ZSWIM5: variants seen among roughly 807,000 people sequenced by gnomAD.
The protein encoded by ZSWIM5 is zinc finger SWIM domain-containing protein 5.
ZSWIM5 carries 55 observed loss-of-function variants against 119.6 expected under a neutral mutation model. That is an observed-to-expected ratio of 0.46 (90% CI 0.37 to 0.58). The LOEUF (loss-of-function observed/expected upper bound fraction) is 0.58. Among genes scored for constraint, ZSWIM5 ranks in the 20% least tolerant of loss-of-function variants. ZSWIM5 has a pLI of 0.00. For synonymous variants in ZSWIM5, 537 were observed against 606.9 expected (o/e 0.88, Z 1.69); for missense variants, 1,193 against 1,512.8 (o/e 0.79, Z 3.51).
At chr1:45,192,119 ACTT>A (rs1455978175) in intron 1 of ZSWIM5, among the ~76,000 whole-genome samples, 4 of 152,164 alleles carry the variant, frequency 2.6e-5, no homozygotes, top group African/African-American at 9.6e-5. Flanking sequence ...GTGGCTTTTA[ACTT>A]TTTTATTGTG....
intron 1 of ZSWIM5, among the ~76,000 whole-genome samples, chr1:45,189,007 T>C (rs891427316): frequency 6.6e-6 from 1 of 152,222 alleles, no homozygotes; most frequent in African/African-American, 2.4e-5. Flanking sequence ...ATTACCTTGA[T>C]GCTATATTAG....
intron 1 of ZSWIM5, among the ~76,000 whole-genome samples, chr1:45,119,715 C>T (rs1174319542): frequency 2.6e-5 from 4 of 152,166 alleles, no homozygotes; most frequent in Admixed American, 1.3e-4. Flanking sequence ...ATAAGTTACC[C>T]AACAGTAGGA....
chr1:45,109,531 G>T (rs1645502287), intron 1 of ZSWIM5, among the ~76,000 whole-genome samples: 1 of 152,064 alleles, frequency 6.6e-6, no homozygotes, highest in Non-Finnish European at 1.5e-5. Context: ...AGATCACGAG[G>T]TCAGGAGTTC....
chr1:45,022,120 CTTTATTTTAT>C (rs145235699), intron 11 of ZSWIM5, among the ~76,000 whole-genome samples: 29 of 147,196 alleles, frequency 2.0e-4, no homozygotes, highest in Non-Finnish European at 2.4e-4. Flanking sequence ...TATGATTCTA[CTTTATTTTAT>C]TTTATTTTAT....
intron 2 of ZSWIM5, among the ~76,000 whole-genome samples, chr1:45,074,517 G>T (rs1328572655): frequency 6.6e-6 from 1 of 151,814 alleles, no homozygotes; most frequent in Non-Finnish European, 1.5e-5. Context: ...GCATATAGTT[G>T]TTCACAGTAG....
intron 1 of ZSWIM5, among the ~76,000 whole-genome samples, chr1:45,159,268 T>C (rs1645848938): frequency 6.6e-6 from 1 of 152,154 alleles, no homozygotes; most frequent in Non-Finnish European, 1.5e-5. Flanking sequence ...TCTGTTCCCA[T>C]ATTTATTTAT....
chr1:45,162,193 A>G (rs1033028090), intron 1 of ZSWIM5, among the ~76,000 whole-genome samples: 2 of 152,240 alleles, frequency 1.3e-5, no homozygotes, highest in African/African-American at 4.8e-5. Flanking sequence ...AGGCTAAATA[A>G]AGAATAAAGA....
intron 2 of ZSWIM5, among the ~76,000 whole-genome samples, chr1:45,080,890 T>C (rs1158150136): frequency 1.3e-5 from 2 of 152,110 alleles, no homozygotes; most frequent in African/African-American, 2.4e-5. Context: ...GTAACCCACC[T>C]AAAAAAGTCA....
At position 45,020,791 on chromosome 1, in the gene ZSWIM5, A is replaced by G. The variant is rs1349639394; in HGVS notation, c.2450-3T>C. The G allele has an allele frequency of 1.9e-6, 3 of 1,613,560 alleles. No homozygotes were observed. The highest frequency in any genetic ancestry group is 1.3e-5 in the African/African-American group (1 of 75,014). On this transcript the variant is annotated splice_polypyrimidine_tract_variant and splice_region_variant and intron_variant, in intron 11 of 13. Transcript: ENST00000359600. ...TGTTCGGAGTCTCAAAGTGTCTCCT[A>G]TAGGTGTCAAGAGAAGGGGCAGGGT...
chr1:45,019,109 G>C lies in ZSWIM5; in HGVS notation c.2903C>G (p.Ser968Ter). Residue 968 changes from serine to a stop codon, truncating the protein, a stop_gained, in exon 14 of 14, where the codon TCA (serine) becomes TGA (stop). Transcript: ENST00000359600. LOFTEE classifies it high-confidence loss of function. The surrounding 1 kb of genome is among the most constrained non-coding windows in gnomAD (Gnocchi z 5.0). ...GTCTTTCTCACAGAGTGTAAGGGCT[G>C]ACAGGGCACAGCTCTGTGGATCCTT... ...AMKDPQSCAL[S>*]ALTLCEKDHI... 1 of 1,614,176 alleles carries C rather than the reference G, an allele frequency of 6.2e-7. No individual in the cohort carries two copies. Among genetic ancestry groups the C allele is most frequent in the Non-Finnish European group, 8.5e-7 (1 of 1,180,024 alleles).
chr1:45,196,194 A>G (rs1461876312), intron 1 of ZSWIM5, among the ~76,000 whole-genome samples: 1 of 150,314 alleles, frequency 6.7e-6, no homozygotes, highest in Non-Finnish European at 1.5e-5. Context: ...TTTTTCTACA[A>G]CGGCATTTCT....
intron 1 of ZSWIM5, among the ~76,000 whole-genome samples, chr1:45,095,629 C>T (rs1265065476): frequency 6.6e-6 from 1 of 152,112 alleles, no homozygotes; most frequent in East Asian, 1.9e-4. Context: ...GTGTTGCATA[C>T]TTTCTATTGC....
chr1:45,143,244 C>T (rs970837673), intron 1 of ZSWIM5, among the ~76,000 whole-genome samples: 1 of 149,006 alleles, frequency 6.7e-6, no homozygotes, highest in Admixed American at 6.7e-5. Flanking sequence ...GACACAAAAA[C>T]TCTCAACAAA....
chr1:45,060,554 A>AT (rs1219878746), intron 2 of ZSWIM5, among the ~76,000 whole-genome samples: 2 of 152,124 alleles, frequency 1.3e-5, no homozygotes, highest in Non-Finnish European at 1.5e-5. Context: ...CAAATTGTGC[A>AT]TTTTTTTCCC....
intron 1 of ZSWIM5, among the ~76,000 whole-genome samples, chr1:45,195,015 T>C (rs1273589006): frequency 6.6e-6 from 1 of 152,204 alleles, no homozygotes; most frequent in African/African-American, 2.4e-5. Flanking sequence ...AGTCCCCACT[T>C]CCCAAGTTAA....
At chr1:45,186,637 G>T (rs192506752) in intron 1 of ZSWIM5, among the ~76,000 whole-genome samples, 1 of 151,818 alleles carries the variant, frequency 6.6e-6, no homozygotes, top group Admixed American at 6.6e-5. Context: ...ACAGTGTCTC[G>T]CTCTGTCACC....
At chr1:45,198,556 A>G (rs1646139468) in intron 1 of ZSWIM5, among the ~76,000 whole-genome samples, 1 of 149,220 alleles carries the variant, frequency 6.7e-6, no homozygotes, top group Non-Finnish European at 1.5e-5. Flanking sequence ...GGAAAGCTTT[A>G]CCAGAGTTTT....
chr1:45,128,944 C>T (rs1014633602), intron 1 of ZSWIM5, among the ~76,000 whole-genome samples: 2 of 152,120 alleles, frequency 1.3e-5, no homozygotes, highest in Admixed American at 6.5e-5. Flanking sequence ...TTCAAAGTTC[C>T]TGCATGTCTT....
At chr1:45,091,706 A>G (rs1026609814) in intron 1 of ZSWIM5, among the ~76,000 whole-genome samples, 2 of 152,042 alleles carry the variant, frequency 1.3e-5, no homozygotes, top group Admixed American at 6.6e-5. Flanking sequence ...AACCAAACAA[A>G]CAAACAAAAT....
Sources: allele counts gnomAD v4.1 joint callset (sites outside exome capture counted in the v4.1 genomes callset), GRCh38; gene constraint gnomAD v4.1.1; non-coding constraint Gnocchi (gnomAD v3.1); transcripts MANE v1.5; gene names NCBI Gene and HGNC (gene_info 2026-07-23, HGNC 2026-07-21).